Variants in UBE3A observed in about 807,000 individuals in gnomAD.
The protein encoded by UBE3A is ubiquitin-protein ligase E3A.
Under a neutral mutation model 83.4 loss-of-function variants are expected in UBE3A, and 6 were observed. That is an observed-to-expected ratio of 0.07 (90% CI 0.04 to 0.14). The LOEUF (loss-of-function observed/expected upper bound fraction) is 0.14. UBE3A is among the 10% of genes least tolerant of loss of function. The probability of loss-of-function intolerance (pLI) is 1.00; values close to 1 mark genes in which losing one functional copy is unlikely to be tolerated. For missense variants in UBE3A, 456 were observed against 1,036.1 expected, an observed-to-expected ratio of 0.44 and a Z score of 7.69; for synonymous variants, 337 against 355.4, an observed-to-expected ratio of 0.95 and a Z score of 0.58.
chr15:25,383,132 C>CA (rs1335565292), intron 4 of UBE3A, among the ~76,000 whole-genome samples: 15 of 151,422 alleles, frequency 9.9e-5, no homozygotes, highest in Admixed American at 2.0e-4. Flanking sequence ...AATACTGATG[C>CA]AAAAAAAATC....
At chr15:25,382,153 C>A (rs2082281179) in intron 4 of UBE3A, among the ~76,000 whole-genome samples, 1 of 151,926 alleles carries the variant, frequency 6.6e-6, no homozygotes, top group Non-Finnish European at 1.5e-5. Context: ...TACGTCCCTA[C>A]TAAAAATACA....
At chr15:25,424,041 G>A (rs894544586) in intron 1 of UBE3A, among the ~76,000 whole-genome samples, 1 of 152,134 alleles carries the variant, frequency 6.6e-6, no homozygotes, top group African/African-American at 2.4e-5. Flanking sequence ...GATTAACACA[G>A]CAACCAGAGT....
chr15:25,377,048 C>T (rs1004963479), intron 4 of UBE3A, among the ~76,000 whole-genome samples: 1 of 152,128 alleles, frequency 6.6e-6, no homozygotes, highest in African/African-American at 2.4e-5. Flanking sequence ...GAAATAACAA[C>T]TACAAAGAAT....
In UBE3A at chr15:25,370,815, C is replaced by T. The variant is rs2080195707; in HGVS notation, c.1359G>A (p.Glu453=). The T allele has an allele frequency of 6.2e-7, 1 of 1,613,984 alleles. No individual in the cohort carries two copies. Among genetic ancestry groups the T allele is most frequent in the Non-Finnish European group, 8.5e-7 (1 of 1,179,956 alleles). ...TATAATCTTTATCCATTTCTAGAAC[C>T]TCATTCAGTGGTTCATTAATAAACT... ...FEEFINEPLN[E]VLEMDKDYTF... Residue 453 remains glutamate, a synonymous_variant, in exon 6 of 13, where the codon GAG becomes GAA. Transcript: ENST00000648336. This position sits in a 1 kb window ranked among gnomAD's most constrained non-coding sequence, Gnocchi z 4.2.
At position 25,423,736 on chromosome 15, in the gene UBE3A, G is replaced by A. The variant is rs1890496143; in HGVS notation, c.-164-11765C>T. ...TGGTAAAATTACCTGTAGTTAAGTGGGCATGTGATATGATGCACAGATTTA... is the reference window on the plus strand; with the variant it reads ...TGGTAAAATTACCTGTAGTTAAGTGAGCATGTGATATGATGCACAGATTTA... On this transcript the variant is annotated intron_variant, in intron 1 of 12. Transcript: ENST00000648336. Among the ~76,000 whole-genome samples the A allele has an allele frequency of 2.6e-5, 4 of 152,000 alleles. No homozygotes were observed. In the South Asian group the frequency reaches 8.3e-4, roughly 32 times the overall value.
At chr15:25,355,089 G>C (rs909384727) in intron 9 of UBE3A, among the ~76,000 whole-genome samples, 10 of 152,178 alleles carry the variant, frequency 6.6e-5, no homozygotes, top group Middle Eastern at 3.4e-3. Context: ...AATTCTTTAG[G>C]TTCTCTCAAC....
intron 1 of UBE3A, among the ~76,000 whole-genome samples, chr15:25,433,341 G>A (rs1049178990): frequency 2.0e-5 from 3 of 151,868 alleles, no homozygotes; most frequent in Admixed American, 6.6e-5. Context: ...GCGCCACCAC[G>A]TCCGGCTAAT....
At chr15:25,376,901 A>G (rs1039363655) in intron 4 of UBE3A, among the ~76,000 whole-genome samples, 1 of 152,312 alleles carries the variant, frequency 6.6e-6, no homozygotes, top group African/African-American at 2.4e-5. Context: ...AAGAAGTTAG[A>G]TGACATTATA....
chr15:25,400,695 C>T (rs893073216), intron 4 of UBE3A, among the ~76,000 whole-genome samples: 69 of 152,280 alleles, frequency 4.5e-4, no homozygotes, highest in African/African-American at 1.6e-3. Flanking sequence ...TCAGTTCTAA[C>T]AATTCTCTGG....
intron 11 of UBE3A, among the ~76,000 whole-genome samples, chr15:25,348,594 A>G (rs111559794): frequency 6.6e-6 from 1 of 152,218 alleles, no homozygotes; most frequent in Admixed American, 6.5e-5. Context: ...AATCTACTAA[A>G]TAACTACTAG....
intron 1 of UBE3A, among the ~76,000 whole-genome samples, chr15:25,421,542 T>C (rs1237645582): frequency 1.3e-5 from 2 of 152,126 alleles, no homozygotes; most frequent in Non-Finnish European, 2.9e-5. Flanking sequence ...AGAACAGTGA[T>C]TACCAGCAGA....
intron 4 of UBE3A, among the ~76,000 whole-genome samples, chr15:25,376,176 G>T (rs1053532569): frequency 1.3e-5 from 2 of 152,130 alleles, no homozygotes; most frequent in African/African-American, 4.8e-5. Context: ...CATCAATCCG[G>T]TTTTCTTTTA....
At chr15:25,350,498 T>C (rs773960576) in intron 11 of UBE3A, among the ~76,000 whole-genome samples, 29 of 151,938 alleles carry the variant, frequency 1.9e-4, no homozygotes, top group Admixed American at 1.0e-3. Context: ...TTTAAGAAAA[T>C]ATCTATAGTC....
intron 6 of UBE3A, among the ~76,000 whole-genome samples, chr15:25,364,632 G>GTTTT (rs80152524): frequency 2.6e-4 from 32 of 121,142 alleles, no homozygotes; most frequent in African/African-American, 9.3e-4. Context: ...GATTTTTAGG[G>GTTTT]TTTTTTTTGT....
rs749384749 is a variant in UBE3A at position 25,375,429 on chromosome 15, A to G, written c.361+36T>C. 7 of 1,606,122 alleles carry G rather than the reference A, an allele frequency of 4.4e-6. No individual in the cohort carries two copies. The South Asian group carries it at 7.7e-5, about 18-fold the overall frequency. On this transcript the variant is annotated intron_variant, in intron 5 of 12. Coordinates refer to ENST00000648336, the MANE Select transcript of UBE3A (RefSeq NM_130839.5). ...CATTTAAATCTCCCACATGGTTTTC[A>G]GGCAACAATTCTCAATTGAAAATAA...
At chr15:25,382,699 G>A (rs2082405741) in intron 4 of UBE3A, among the ~76,000 whole-genome samples, 1 of 151,544 alleles carries the variant, frequency 6.6e-6, no homozygotes, top group Admixed American at 6.6e-5. Flanking sequence ...AACAAAACTG[G>A]CAAATTCTTA....
At chr15:25,404,165 T>C (rs141509962) in intron 4 of UBE3A, among the ~76,000 whole-genome samples, 3 of 152,306 alleles carry the variant, frequency 2.0e-5, no homozygotes, top group Non-Finnish European at 4.4e-5. Flanking sequence ...ATTTGAGAAA[T>C]ACATTTTATA....
intron 11 of UBE3A, among the ~76,000 whole-genome samples, chr15:25,352,180 G>C (rs1464823618): frequency 2.0e-5 from 3 of 152,162 alleles, no homozygotes; most frequent in African/African-American, 7.2e-5. Context: ...CAGTGACAGA[G>C]CAAGACTGTT....
rs1252088323 is a variant in UBE3A at position 25,335,933 on chromosome 15, T to C, written c.*3204A>G. On this transcript the variant is annotated 3_prime_UTR_variant, in exon 13 of 13. Coordinates refer to ENST00000648336, the MANE Select transcript of UBE3A (RefSeq NM_130839.5). The stretch of plus-strand genomic sequence containing the variant: ...TAGGGTGTTGTCAAGGTTATAGATG[T>C]TACTGATTTTGGCAATGAGGAGATT... The C allele has an allele frequency of 6.6e-6, 1 of 152,194 alleles. No homozygotes were observed. The highest frequency in any genetic ancestry group is 1.5e-5 in the Non-Finnish European group (1 of 68,036). 9.4% of individuals were successfully genotyped at this position (152,194 alleles called of 1,614,324 possible).
Sources: allele counts gnomAD v4.1 joint callset (sites outside exome capture counted in the v4.1 genomes callset), GRCh38; gene constraint gnomAD v4.1.1; non-coding constraint Gnocchi (gnomAD v3.1); transcripts MANE v1.5; gene names NCBI Gene and HGNC (gene_info 2026-07-23, HGNC 2026-07-21).